Variants in NAALADL2 observed in about 807,000 individuals in gnomAD.
NAALADL2 encodes inactive N-acetylated-alpha-linked acidic dipeptidase-like protein 2.
NAALADL2 carries 76 observed loss-of-function variants against 87.2 expected under a neutral mutation model. That is an observed-to-expected ratio of 0.87 (90% CI 0.72 to 1.05). NAALADL2 has a LOEUF of 1.05. NAALADL2 is among the 50% of genes least tolerant of loss of function. NAALADL2 has a pLI of 0.00. For missense variants in NAALADL2, 1,089 were observed against 945.8 expected, an observed-to-expected ratio of 1.15 and a Z score of -1.99; for synonymous variants, 354 against 331.0, an observed-to-expected ratio of 1.07 and a Z score of -0.75.
chr3:175,520,314 C>T (rs141158959), intron 9 of NAALADL2, among the ~76,000 whole-genome samples: 2,399 of 109,618 alleles, frequency 0.022, 67 homozygotes, highest in African/African-American at 0.079. Flanking sequence ...TTTTTTGAGA[C>T]GGAGTCTCGC....
chr3:174,956,591 G>A (rs1035599506), intron 1 of NAALADL2, among the ~76,000 whole-genome samples: 17 of 152,048 alleles, frequency 1.1e-4, no homozygotes, highest in African/African-American at 4.1e-4. Flanking sequence ...CCACATATAA[G>A]TACTCAATTA....
At chr3:174,570,374 T>C (rs1039708808) in intron 2 of NAALADL2, among the ~76,000 whole-genome samples, 8 of 152,120 alleles carry the variant, frequency 5.3e-5, no homozygotes, top group Non-Finnish European at 8.8e-5. Flanking sequence ...ATGGATTAAA[T>C]TGAGCTCATA....
At chr3:174,600,751 G>A (rs1718369506) in intron 2 of NAALADL2, among the ~76,000 whole-genome samples, 2 of 152,062 alleles carry the variant, frequency 1.3e-5, no homozygotes, top group South Asian at 4.1e-4. Context: ...CATGGCTGGA[G>A]CAGGAGGAAG....
In NAALADL2 at chr3:175,299,772, C is replaced by A. The variant is rs183954337; in HGVS notation, c.940-24403C>A. On this transcript the variant is annotated intron_variant, in intron 4 of 13. Transcript: ENST00000454872. ...CTTCCTCTCTTCCTATTTGAATATG[C>A]TTTATTTCTCTCTCTTGCCTGATTG... 4.8e-3 allele frequency among the ~76,000 whole-genome samples: 733 copies of A among 152,218 alleles called. 2 individuals are homozygous for A. Among genetic ancestry groups the A allele is most frequent in the Non-Finnish European group, 7.0e-3 (479 of 68,014 alleles).
At chr3:174,882,891 G>T (rs866100344) in intron 1 of NAALADL2, among the ~76,000 whole-genome samples, 1 of 149,006 alleles carries the variant, frequency 6.7e-6, no homozygotes. Context: ...GTGTATATAT[G>T]TATATATATG....
At chr3:175,149,370 C>T (rs888321300) in intron 2 of NAALADL2, among the ~76,000 whole-genome samples, 12 of 152,100 alleles carry the variant, frequency 7.9e-5, no homozygotes, top group African/African-American at 2.9e-4. Flanking sequence ...CCTATTTTAA[C>T]ATCAAAAAGG....
At chr3:174,713,878 G>T (rs531456075) in intron 2 of NAALADL2, among the ~76,000 whole-genome samples, 1 of 152,004 alleles carries the variant, frequency 6.6e-6, no homozygotes, top group East Asian at 1.9e-4. Flanking sequence ...CCTTGCCCAT[G>T]CCTATGTCCT....
intron 9 of NAALADL2, among the ~76,000 whole-genome samples, chr3:175,476,053 T>C (rs895634741): frequency 1.3e-5 from 2 of 152,214 alleles, no homozygotes; most frequent in African/African-American, 4.8e-5. Flanking sequence ...TCGTTGTTGT[T>C]GTTTTAAGTC....
intron 9 of NAALADL2, among the ~76,000 whole-genome samples, chr3:175,547,872 A>G (rs1461257698): frequency 6.6e-6 from 1 of 152,132 alleles, no homozygotes; most frequent in Admixed American, 6.5e-5. Flanking sequence ...TACCAGTCAT[A>G]ATGGCTATTA....
At chr3:174,514,846 C>A (rs73882409) in intron 1 of NAALADL2, among the ~76,000 whole-genome samples, 4,854 of 151,998 alleles carry the variant, frequency 0.032, 246 homozygotes, top group African/African-American at 0.11. Context: ...TTGTGCTCCC[C>A]CAAGAATTAC....
intron 1 of NAALADL2, among the ~76,000 whole-genome samples, chr3:175,078,726 T>C (rs1325701420): frequency 6.6e-6 from 1 of 152,236 alleles, no homozygotes; most frequent in East Asian, 1.9e-4. Flanking sequence ...CGTAGGAAGA[T>C]GTTTTTGAGA....
intron 11 of NAALADL2, among the ~76,000 whole-genome samples, chr3:175,684,866 G>A (rs536135336): frequency 6.6e-6 from 1 of 152,262 alleles, no homozygotes; most frequent in South Asian, 2.1e-4. Flanking sequence ...AGTAAAATAT[G>A]AGTTAGAAAA....
At chr3:175,404,473 G>A (rs1392187540) in intron 5 of NAALADL2, among the ~76,000 whole-genome samples, 1 of 152,124 alleles carries the variant, frequency 6.6e-6, no homozygotes, top group Non-Finnish European at 1.5e-5. Flanking sequence ...AAAGCCGTGT[G>A]AGTCTAAGTG....
At chr3:175,796,897 G>A in intron 13 of NAALADL2, among the ~76,000 whole-genome samples, 1 of 151,426 alleles carries the variant, frequency 6.6e-6, no homozygotes, top group East Asian at 1.9e-4. Flanking sequence ...TCAAACACAT[G>A]GAAATGACTT....
At chr3:175,143,739 G>A (rs993898133) in intron 2 of NAALADL2, among the ~76,000 whole-genome samples, 12 of 152,002 alleles carry the variant, frequency 7.9e-5, no homozygotes, top group African/African-American at 2.9e-4. Flanking sequence ...ACTCCGCAAA[G>A]ATTTGGGGAA....
chr3:175,172,653 C>A (rs1001695988), intron 2 of NAALADL2, among the ~76,000 whole-genome samples: 1 of 152,000 alleles, frequency 6.6e-6, no homozygotes, highest in South Asian at 2.1e-4. Context: ...CACAAAGTTG[C>A]TTATGACTTA....
chr3:174,677,259 A>C (rs977050879), intron 2 of NAALADL2, among the ~76,000 whole-genome samples: 1 of 151,866 alleles, frequency 6.6e-6, no homozygotes, highest in Non-Finnish European at 1.5e-5. Flanking sequence ...AGTTTTGCAC[A>C]CTTTTGGACT....
Position 174,611,329 on chromosome 3 carries a change from A to C in NAALADL2, c.-115+60692A>C, listed in dbSNP as rs556305321. On this transcript the variant is annotated intron_variant, in intron 2 of 3. Coordinates refer to the NAALADL2 transcript ENST00000434257. ...TTAAAGTATAATAATAATAAAATAA[A>C]AATAAATAAAAAAAAGTAAAACTAA... 8.3e-4 allele frequency among the ~76,000 whole-genome samples: 127 copies of C among 152,208 alleles called. 2 individuals are homozygous for C. The Middle Eastern group carries it at 0.034, about 41-fold the overall frequency.
intron 13 of NAALADL2, among the ~76,000 whole-genome samples, chr3:175,776,485 T>C (rs959680385): frequency 2.6e-5 from 4 of 152,190 alleles, no homozygotes; most frequent in African/African-American, 9.6e-5. Context: ...AATTCTTTTA[T>C]GGAAACTATC....
Sources: allele counts gnomAD v4.1 joint callset (sites outside exome capture counted in the v4.1 genomes callset), GRCh38; gene constraint gnomAD v4.1.1; transcripts MANE v1.5; gene names NCBI Gene and HGNC (gene_info 2026-07-23, HGNC 2026-07-21).